DSCAM: variants seen among roughly 807,000 people sequenced by gnomAD.
DSCAM encodes cell adhesion molecule DSCAM.
A neutral mutation model predicts 217.7 loss-of-function variants in DSCAM; 47 were observed. The observed-to-expected ratio is 0.22, with a 90% CI of 0.17 to 0.28. The LOEUF is 0.28. Ranked by LOEUF, DSCAM falls within the 10% of genes least tolerant of loss-of-function variation. The probability of loss-of-function intolerance (pLI) is 1.00; values close to 1 mark genes in which losing one functional copy is unlikely to be tolerated. For missense variants in DSCAM, 2,080 were observed against 2,618.3 expected (o/e 0.79, Z 4.49); for synonymous variants, 1,056 against 1,015.3 (o/e 1.04, Z -0.76).
intron 1 of DSCAM, among the ~76,000 whole-genome samples, chr21:40,796,944 C>A (rs1015987217): frequency 1.3e-5 from 2 of 152,116 alleles, no homozygotes; most frequent in African/African-American, 4.8e-5. Flanking sequence ...GGGGTAGAAA[C>A]AATGTGTTGT....
Position 40,295,778 on chromosome 21 carries a change from T to C in DSCAM, c.2182+277A>G, listed in dbSNP as rs533571120. 2.6e-5 allele frequency among the ~76,000 whole-genome samples: 4 copies of C among 152,230 alleles called. No individual in the cohort carries two copies. In the South Asian group the frequency reaches 6.2e-4, roughly 24 times the overall value. On this transcript the variant is annotated intron_variant, in intron 10 of 32. Coordinates refer to ENST00000400454, the MANE Select transcript of DSCAM (RefSeq NM_001389.5). Reference sequence around the variant, plus strand: ...GGTTATGTAATACAGGTGGGCAAGGTAGGACTTCCTAAGTGCTGAAACAAT... The same window carrying C: ...GGTTATGTAATACAGGTGGGCAAGGCAGGACTTCCTAAGTGCTGAAACAAT...
At chr21:40,263,449 C>T (rs1203340253) in intron 11 of DSCAM, among the ~76,000 whole-genome samples, 1 of 152,070 alleles carries the variant, frequency 6.6e-6, no homozygotes, top group Non-Finnish European at 1.5e-5. Flanking sequence ...AGCAATCTAC[C>T]TCTGAATGAT....
chr21:40,594,877 GA>G (rs1010665471), intron 3 of DSCAM, among the ~76,000 whole-genome samples: 1 of 152,148 alleles, frequency 6.6e-6, no homozygotes, highest in Non-Finnish European at 1.5e-5. Context: ...ATGCTAAAGA[GA>G]TATCGCTTGA....
intron 3 of DSCAM, among the ~76,000 whole-genome samples, chr21:40,563,306 TCTA>T (rs1409993002): frequency 1.3e-5 from 2 of 151,354 alleles, no homozygotes; most frequent in African/African-American, 2.4e-5. Flanking sequence ...GATCAAGAGA[TCTA>T]CTACTAACAC....
intron 3 of DSCAM, among the ~76,000 whole-genome samples, chr21:40,398,781 T>C (rs1282476485): frequency 6.6e-6 from 1 of 151,960 alleles, no homozygotes. Context: ...ACTACAGGTG[T>C]GTGCCACCAC....
intron 11 of DSCAM, among the ~76,000 whole-genome samples, chr21:40,227,876 C>T (rs2091347098): frequency 6.6e-6 from 1 of 152,060 alleles, no homozygotes; most frequent in Admixed American, 6.6e-5. Flanking sequence ...TTCAGATGAC[C>T]CTACCTGCTA....
At chr21:40,546,825 C>T (rs2205130) in intron 3 of DSCAM, among the ~76,000 whole-genome samples, 7,087 of 152,158 alleles carry the variant, frequency 0.047, 504 homozygotes, top group African/African-American at 0.15. Flanking sequence ...AAAAGAGAAG[C>T]TCAGGTCTTT....
At chr21:40,070,863 C>T (rs1439234958) in intron 27 of DSCAM, among the ~76,000 whole-genome samples, 1 of 152,180 alleles carries the variant, frequency 6.6e-6, no homozygotes, top group African/African-American at 2.4e-5. Context: ...ACAGTCTCTT[C>T]CGGAATTGAT....
At chr21:40,476,006 G>A (rs1417553551) in intron 3 of DSCAM, among the ~76,000 whole-genome samples, 1 of 152,150 alleles carries the variant, frequency 6.6e-6, no homozygotes, top group Non-Finnish European at 1.5e-5. Flanking sequence ...CTCCACAAGT[G>A]TTTCATCTTT....
At chr21:40,811,531 G>A (rs1489689040) in intron 1 of DSCAM, among the ~76,000 whole-genome samples, 6 of 152,304 alleles carry the variant, frequency 3.9e-5, no homozygotes, top group Non-Finnish European at 7.3e-5. Context: ...ATGGGCGCAC[G>A]TGGAGTCAGA....
chr21:40,744,056 T>C (rs1239886516), intron 1 of DSCAM, among the ~76,000 whole-genome samples: 2 of 152,206 alleles, frequency 1.3e-5, no homozygotes, highest in African/African-American at 4.8e-5. Flanking sequence ...TGTGCCACTC[T>C]CTTCTCCAGG....
chr21:40,817,940 CA>C (rs2091894501), intron 1 of DSCAM, among the ~76,000 whole-genome samples: 1 of 149,342 alleles, frequency 6.7e-6, no homozygotes. Flanking sequence ...ACTAAAAATA[CA>C]AAAAATTAGC....
intron 3 of DSCAM, among the ~76,000 whole-genome samples, chr21:40,396,573 A>G (rs2075180473): frequency 6.6e-6 from 1 of 152,128 alleles, no homozygotes; most frequent in Non-Finnish European, 1.5e-5. Flanking sequence ...ACTTAACTGG[A>G]AATGGTTGTG....
chr21:40,712,290 C>T (rs926636683), intron 1 of DSCAM, among the ~76,000 whole-genome samples: 1 of 151,750 alleles, frequency 6.6e-6, no homozygotes, highest in Admixed American at 6.6e-5. Context: ...GGTGAAACCC[C>T]GTCTCTACTA....
chr21:40,754,480 T>C (rs2091256940), intron 1 of DSCAM, among the ~76,000 whole-genome samples: 1 of 152,188 alleles, frequency 6.6e-6, no homozygotes, highest in Non-Finnish European at 1.5e-5. Flanking sequence ...TTATAGCAAG[T>C]CGCCACTATG....
At chr21:40,243,428 AGAAATGAGCACTT>A (rs2073180061) in intron 11 of DSCAM, among the ~76,000 whole-genome samples, 1 of 152,242 alleles carries the variant, frequency 6.6e-6, no homozygotes, top group Non-Finnish European at 1.5e-5. Flanking sequence ...AAAAAAGGAA[AGAAATGAGCACTT>A]TTAACAAGAA....
At chr21:40,360,129 T>G (rs1426893626) in intron 4 of DSCAM, among the ~76,000 whole-genome samples, 2 of 132,830 alleles carry the variant, frequency 1.5e-5, no homozygotes, top group African/African-American at 5.8e-5. Context: ...TAGTCTTTTT[T>G]TTTTTTTTTT....
chr21:40,381,062 C>CA (rs71186932), intron 3 of DSCAM, among the ~76,000 whole-genome samples: 1,927 of 65,916 alleles, frequency 0.029, 96 homozygotes, highest in East Asian at 0.056. Flanking sequence ...GACTCCGTCT[C>CA]AAAAAAAAAA....
At chr21:40,817,590 T>C (rs1038938653) in intron 1 of DSCAM, among the ~76,000 whole-genome samples, 5 of 152,162 alleles carry the variant, frequency 3.3e-5, no homozygotes, top group African/African-American at 1.2e-4. Context: ...TGATGCATAA[T>C]GCATTGTGCC....
Sources: allele counts gnomAD v4.1 joint callset (sites outside exome capture counted in the v4.1 genomes callset), GRCh38; gene constraint gnomAD v4.1.1; transcripts MANE v1.5; gene names NCBI Gene and HGNC (gene_info 2026-07-23, HGNC 2026-07-21).